The following ADAMTSL3 variants were observed in gnomAD, a reference collection of about 807,000 sequenced individuals.
ADAMTSL3 encodes the protein ADAMTS like 3.
Under a neutral mutation model 201.7 loss-of-function variants are expected in ADAMTSL3, and 128 were observed. The observed-to-expected ratio is 0.63, with a 90% CI of 0.55 to 0.73. The LOEUF (loss-of-function observed/expected upper bound fraction) is 0.73. Ranked by LOEUF, ADAMTSL3 falls within the 30% of genes least tolerant of loss-of-function variation. The pLI, the probability that ADAMTSL3 is intolerant of heterozygous loss-of-function variation, is 0.00. For missense variants in ADAMTSL3, 1,990 were observed against 2,119.6 expected (o/e 0.94, Z 1.20); for synonymous variants, 738 against 748.4 (o/e 0.99, Z 0.23).
intron 3 of ADAMTSL3, among the ~76,000 whole-genome samples, chr15:83,719,083 C>G (rs989357709): frequency 1.2e-4 from 19 of 152,148 alleles, no homozygotes; most frequent in African/African-American, 4.6e-4. Context: ...GACAGCCAAA[C>G]AGTGTACATC....
chr15:83,663,314 G>A (rs2061201850), intron 2 of ADAMTSL3, among the ~76,000 whole-genome samples: 1 of 152,140 alleles, frequency 6.6e-6, no homozygotes, highest in Non-Finnish European at 1.5e-5. Flanking sequence ...ATCTCTATGA[G>A]TATTTCTCGT....
chr15:83,971,087 C>T (rs1596480992), intron 20 of ADAMTSL3, among the ~76,000 whole-genome samples: 1 of 152,078 alleles, frequency 6.6e-6, no homozygotes, highest in Non-Finnish European at 1.5e-5. Flanking sequence ...CATGAAAGAA[C>T]TTTGATTTAA....
At chr15:83,949,279 G>A (rs1308763513) in intron 19 of ADAMTSL3, among the ~76,000 whole-genome samples, 3 of 152,056 alleles carry the variant, frequency 2.0e-5, no homozygotes, top group Admixed American at 6.5e-5. Flanking sequence ...TCTGTGCCTG[G>A]CTTATTTAAC....
chr15:83,826,590 C>G (rs1338761963), intron 6 of ADAMTSL3, among the ~76,000 whole-genome samples: 1 of 151,736 alleles, frequency 6.6e-6, no homozygotes, highest in Non-Finnish European at 1.5e-5. Flanking sequence ...ATACATGTGC[C>G]ATGTTGGAAT....
chr15:84,023,963 A>G lies in ADAMTSL3; in HGVS notation c.4458-1275A>G, dbSNP rs138843889. On this transcript the variant is annotated intron_variant, in intron 26 of 29. Transcript: ENST00000286744. ...TTCACTTAGTGAAATATTTTTAAAG[A>G]TCTGATATATCGCCGGGCGCAGTGG... is the stretch of plus-strand genomic sequence containing the variant. Among the ~76,000 whole-genome samples the G allele has an allele frequency of 5.5e-3, 836 of 152,320 alleles. 10 individuals carry two copies. The highest frequency in any genetic ancestry group is 0.021 in the Admixed American group (316 of 15,296).
At chr15:83,806,589 C>T (rs1049467936) in intron 5 of ADAMTSL3, among the ~76,000 whole-genome samples, 2 of 152,170 alleles carry the variant, frequency 1.3e-5, no homozygotes, top group African/African-American at 2.4e-5. Flanking sequence ...TGTGGTGGCT[C>T]ATGTCTGTAA....
At chr15:83,939,241 G>T (rs1025539831) in intron 17 of ADAMTSL3, among the ~76,000 whole-genome samples, 5 of 151,670 alleles carry the variant, frequency 3.3e-5, no homozygotes, top group Non-Finnish European at 7.4e-5. Flanking sequence ...GAGTTGGGAA[G>T]TTCTTCTTCT....
intron 3 of ADAMTSL3, among the ~76,000 whole-genome samples, chr15:83,719,971 G>C (rs184011516): frequency 7.9e-5 from 12 of 152,280 alleles, no homozygotes; most frequent in African/African-American, 2.9e-4. Flanking sequence ...TGTAATCCCA[G>C]TACTTTGGGA....
intron 8 of ADAMTSL3, among the ~76,000 whole-genome samples, chr15:83,860,016 A>G (rs1478020433): frequency 6.6e-6 from 1 of 152,124 alleles, no homozygotes; most frequent in Non-Finnish European, 1.5e-5. Flanking sequence ...TTAAAAAAAA[A>G]AATTAGCTAG....
rs764461157 is a variant in ADAMTSL3, at chr15:84,016,405, A to C, written c.4179A>C (p.Arg1393Ser). 1.9e-6 allele frequency: 3 copies of C among 1,613,914 alleles called. No homozygotes were observed. Among genetic ancestry groups the C allele is most frequent in the African/African-American group, 2.7e-5 (2 of 74,926 alleles). The change falls in exon 25 of 30, where the codon AGA becomes AGC. Residue 1393 changes from arginine (R) to serine (S), a missense_variant. Arg to Ser is a moderately radical substitution (Grantham distance 110). Transcript: ENST00000286744. ...CAGAACGAAGATGGCCAGAGAGTAG[A>C]ATCGTATTTCTGCAAGGACATAAAA... ...HLLERRWPES[R>S]IVFLQGHKKY... is the part of the protein sequence containing the mutation.
intron 3 of ADAMTSL3, among the ~76,000 whole-genome samples, chr15:83,742,341 A>T (rs1054125969): frequency 6.6e-6 from 1 of 152,190 alleles, no homozygotes; most frequent in African/African-American, 2.4e-5. Flanking sequence ...CTTACAGCCT[A>T]AGCTTTAATT....
intron 17 of ADAMTSL3, among the ~76,000 whole-genome samples, chr15:83,938,235 A>C (rs527378387): frequency 6.8e-6 from 1 of 148,000 alleles, no homozygotes; most frequent in South Asian, 2.1e-4. Flanking sequence ...AGAGTTGTTA[A>C]ATAGGTGATG....
At position 84,037,882 on chromosome 15, in the gene ADAMTSL3, C is replaced by G. The variant is rs141298539; in HGVS notation, c.*76C>G. 1.5e-5 allele frequency: 22 copies of G among 1,515,468 alleles called. 1 individual carries two copies. Among genetic ancestry groups the G allele is most frequent in the Non-Finnish European group, 1.8e-5 (21 of 1,136,040 alleles). 93.9% of individuals were successfully genotyped at this position (1,515,468 alleles called of 1,614,324 possible). A position where few individuals can be genotyped will look rare whatever the true frequency, so the allele number is the denominator to read the frequency against. ...AGCTCTTTTCCCCATGTCGCTGATT[C>G]AAAAACATGTATTTCTTAAAAGACT... is the stretch of plus-strand genomic sequence containing the variant. On this transcript the variant is annotated 3_prime_UTR_variant, in exon 30 of 30. Coordinates refer to ENST00000286744, the MANE Select transcript of ADAMTSL3 (RefSeq NM_207517.3).
chr15:83,680,910 G>A (rs1241483050), intron 2 of ADAMTSL3, among the ~76,000 whole-genome samples: 1 of 152,000 alleles, frequency 6.6e-6, no homozygotes, highest in East Asian at 1.9e-4. Context: ...CAAAGCAAAT[G>A]TTATCCAAAA....
chr15:83,684,194 A>G (rs1462524763), intron 2 of ADAMTSL3, among the ~76,000 whole-genome samples: 1 of 152,196 alleles, frequency 6.6e-6, no homozygotes, highest in Non-Finnish European at 1.5e-5. Context: ...TAATAATTAA[A>G]TGGATTAAAT....
chr15:84,021,347 C>G, intron 25 of ADAMTSL3, 63 bp from the exon 26 acceptor site: 1 of 1,588,918 alleles, frequency 6.3e-7, no homozygotes, highest in Admixed American at 1.7e-5. Flanking sequence ...TTGGCCATGT[C>G]TTCTCCAGCT....
intron 4 of ADAMTSL3, among the ~76,000 whole-genome samples, chr15:83,802,367 C>G (rs1215824594): frequency 6.6e-6 from 1 of 151,816 alleles, no homozygotes; most frequent in Non-Finnish European, 1.5e-5. Flanking sequence ...GGTATTTACC[C>G]AAGAGAAATG....
chr15:83,716,527 A>C (rs1245939233), intron 3 of ADAMTSL3, among the ~76,000 whole-genome samples: 1 of 151,958 alleles, frequency 6.6e-6, no homozygotes, highest in African/African-American at 2.4e-5. Flanking sequence ...AAAAAAAAAA[A>C]AAAGGAAAAG....
chr15:83,977,571 G>T (rs1282243603), intron 20 of ADAMTSL3, among the ~76,000 whole-genome samples: 1 of 152,120 alleles, frequency 6.6e-6, no homozygotes, highest in African/African-American at 2.4e-5. Context: ...TACTGGCAAT[G>T]GTGGTCAGAA....
Sources: gnomAD v4.1 joint callset for allele counts (sites outside exome capture counted in the v4.1 genomes callset) on GRCh38, gnomAD v4.1.1 for gene constraint, MANE v1.5 for transcripts, NCBI Gene and HGNC (gene_info 2026-07-23, HGNC 2026-07-21) for gene names.